PHTF2: variants seen among roughly 807,000 people sequenced by gnomAD.
The protein encoded by PHTF2 is protein PHTF2.
A neutral mutation model predicts 101.2 loss-of-function variants in PHTF2; 60 were observed. That is an observed-to-expected ratio of 0.59 (90% confidence interval 0.48 to 0.73). PHTF2 has a LOEUF of 0.73. Ranked by LOEUF, PHTF2 falls within the 30% of genes least tolerant of loss-of-function variation. The probability of loss-of-function intolerance (pLI) is 0.00; values close to 1 mark genes in which losing one functional copy is unlikely to be tolerated. For missense variants in PHTF2, 747 were observed against 908.7 expected, an observed-to-expected ratio of 0.82 and a Z score of 2.29; for synonymous variants, 311 against 307.3, an observed-to-expected ratio of 1.01 and a Z score of -0.13.
At chr7:77,932,623 T>A (rs10226162) in intron 12 of PHTF2, among the ~76,000 whole-genome samples, 3,753 of 108,554 alleles carry the variant, frequency 0.035, 69 homozygotes, top group African/African-American at 0.12. Flanking sequence ...AGAGAGAGAG[T>A]GTGTGTGTGT....
exon 19 of PHTF2, chr7:77,953,811 C>T: frequency 6.2e-7 from 1 of 1,612,804 alleles, no homozygotes. Context: ...TACAATGAAT[C>T]CGCTGCTTTA....
At chr7:77,954,132 GTTTTTT>G (rs1020971605) in intron 19 of PHTF2, among the ~76,000 whole-genome samples, 1 of 151,688 alleles carries the variant, frequency 6.6e-6, no homozygotes, top group African/African-American at 2.4e-5. Flanking sequence ...GAAGTATTTG[GTTTTTT>G]TTATTTTTTA....
chr7:77,835,554 A>T (rs766133671), intron 1 of PHTF2, among the ~76,000 whole-genome samples: 56 of 152,214 alleles, frequency 3.7e-4, no homozygotes, highest in Middle Eastern at 3.4e-3. Context: ...AAATCTGACA[A>T]TGTGGGAGAC....
At chr7:77,937,861 T>C in intron 13 of PHTF2, 23 bp downstream of exon 12, 1 of 1,373,026 alleles carries the variant, frequency 7.3e-7, no homozygotes, top group Non-Finnish European at 9.9e-7. Context: ...ATTTTATTCT[T>C]GTAGTTCAAG....
rs535281319 is a variant in PHTF2 at position 77,867,675 on chromosome 7, C to T, written c.147+12841C>T. On this transcript the variant is annotated intron_variant, in intron 3 of 19. Transcript: ENST00000416283. ...TTTCTATCCAAGGTGGGGGAAAGGGCGCAGCTAAGGAGTTCTGGTGTATCA... is the reference window on the plus strand; with the variant it reads ...TTTCTATCCAAGGTGGGGGAAAGGGTGCAGCTAAGGAGTTCTGGTGTATCA... Among the ~76,000 whole-genome samples the T allele has an allele frequency of 1.2e-4, 18 of 152,160 alleles. No individual in the cohort carries two copies. The East Asian group carries it at 2.1e-3, about 18-fold the overall frequency.
intron 3 of PHTF2, among the ~76,000 whole-genome samples, chr7:77,892,840 C>A (rs1476625273): frequency 6.6e-6 from 1 of 152,158 alleles, no homozygotes; most frequent in African/African-American, 2.4e-5. Flanking sequence ...AATTATTTTC[C>A]TGTGTCTTCA....
intron 3 of PHTF2, among the ~76,000 whole-genome samples, chr7:77,890,003 T>A (rs1800234084): frequency 6.9e-6 from 1 of 144,316 alleles, no homozygotes; most frequent in Non-Finnish European, 1.5e-5. Flanking sequence ...ATTTATCTAG[T>A]TTAAAAAAAT....
chr7:77,914,065 CA>C (rs777175186), intron 9 of PHTF2, among the ~76,000 whole-genome samples: 10,654 of 68,602 alleles, frequency 0.16, 354 homozygotes, highest in South Asian at 0.27. Context: ...GACTCTGTCT[CA>C]AAAAAAAAAA....
Position 77,931,597 on chromosome 7 carries a change from GAGAA to G in PHTF2, c.1338+2271_1338+2274del, listed in dbSNP as rs1169151693. Among the ~76,000 whole-genome samples, 20 of 152,308 alleles carry G rather than the reference GAGAA, an allele frequency of 1.3e-4. No individual in the cohort carries two copies. The East Asian group carries it at 3.9e-3, about 29-fold the overall frequency. ...TTCAATGTTGGCAAGAATGTGAAGAGAGAACTCTTTAATACTGATGTTTGTTTGT... is the reference window on the plus strand; with the variant it reads ...TTCAATGTTGGCAAGAATGTGAAGAGCTCTTTAATACTGATGTTTGTTTGT... On this transcript the variant is annotated intron_variant, in intron 12 of 19. Transcript: ENST00000416283.
intron 1 of PHTF2, among the ~76,000 whole-genome samples, chr7:77,816,733 C>T (rs1354374596): frequency 2.6e-5 from 4 of 152,104 alleles, no homozygotes; most frequent in Non-Finnish European, 1.5e-5. Context: ...TTCCTTATGC[C>T]CCTCCCAGTC....
Position 77,859,564 on chromosome 7 carries a change from CTTTT to C in PHTF2, c.147+4744_147+4747del, listed in dbSNP as rs34014317. On this transcript the variant is annotated intron_variant, in intron 3 of 19. Coordinates refer to ENST00000416283, the Ensembl canonical transcript of PHTF2. The stretch of plus-strand genomic sequence containing the variant: ...TGAGAATTTCTTTTCTTTCTTTCTT[CTTTT>C]TTTTTTTTTTTTTGAAGCAGGGTCT... Among the ~76,000 whole-genome samples, 9 of 131,596 alleles carry C rather than the reference CTTTT, an allele frequency of 6.8e-5. No individual in the cohort carries two copies. The South Asian group carries it at 7.4e-4, about 11-fold the overall frequency. The allele number at this position is 131,596 out of a possible 152,430, so 86.3% of individuals were successfully genotyped here.
chr7:77,951,872 T>C (rs1806578117), intron 18 of PHTF2, among the ~76,000 whole-genome samples, 160 bp downstream of exon 17: 1 of 152,158 alleles, frequency 6.6e-6, no homozygotes. Context: ...ATTTTACTTC[T>C]CATTGCAAAA....
chr7:77,934,378 A>C (rs1304035455), intron 12 of PHTF2, among the ~76,000 whole-genome samples: 1 of 152,226 alleles, frequency 6.6e-6, no homozygotes, highest in Non-Finnish European at 1.5e-5. Flanking sequence ...AGCTATATTC[A>C]GCTGAAATTC....
At chr7:77,933,062 C>A (rs12705113) in intron 12 of PHTF2, among the ~76,000 whole-genome samples, 1 of 151,936 alleles carries the variant, frequency 6.6e-6, no homozygotes, top group Non-Finnish European at 1.5e-5. Context: ...CACGGTGAAA[C>A]CCCATCTCTA....
chr7:77,842,114 T>C (rs1795932845), intron 2 of PHTF2, among the ~76,000 whole-genome samples: 1 of 152,236 alleles, frequency 6.6e-6, no homozygotes, highest in Non-Finnish European at 1.5e-5. Context: ...CTGACAGCTT[T>C]GGATACATGC....
intron 9 of PHTF2, among the ~76,000 whole-genome samples, chr7:77,915,487 A>C (rs1170825533): frequency 6.6e-6 from 1 of 152,200 alleles, no homozygotes; most frequent in Non-Finnish European, 1.5e-5. Context: ...CTAGGATTAC[A>C]GGCATGAGCC....
chr7:77,812,877 CAG>C, intron 1 of PHTF2, among the ~76,000 whole-genome samples: 1 of 152,262 alleles, frequency 6.6e-6, no homozygotes, highest in Non-Finnish European at 1.5e-5. Flanking sequence ...GTGTGAGCCA[CAG>C]CACCCAGCCA....
chr7:77,923,981 C>G, intron 11 of PHTF2: 1 of 919,122 alleles, frequency 1.1e-6, no homozygotes, highest in Non-Finnish European at 1.3e-6. Flanking sequence ...TGATTTACAT[C>G]TTTTTTAATG....
intron 3 of PHTF2, among the ~76,000 whole-genome samples, chr7:77,888,247 TG>T (rs1460419563): frequency 1.3e-5 from 2 of 152,206 alleles, no homozygotes; most frequent in Non-Finnish European, 2.9e-5. Context: ...CCCAAGTAGC[TG>T]GGATTACAGG....
Sources: allele counts gnomAD v4.1 joint callset (sites outside exome capture counted in the v4.1 genomes callset), GRCh38; gene constraint gnomAD v4.1.1; transcripts MANE v1.5; gene names NCBI Gene and HGNC (gene_info 2026-07-23, HGNC 2026-07-21).